CGNL1: variants seen among roughly 807,000 people sequenced by gnomAD.
CGNL1 encodes the protein cingulin-like protein 1.
Under a neutral mutation model 141.2 loss-of-function variants are expected in CGNL1, and 132 were observed. The observed-to-expected ratio is 0.93, with a 90% confidence interval of 0.81 to 1.08. The LOEUF is 1.08. Ranked by LOEUF, CGNL1 falls within the 50% of genes least tolerant of loss-of-function variation. The pLI is 0.00. For synonymous variants in CGNL1, 690 were observed against 622.1 expected, an observed-to-expected ratio of 1.11 and a Z score of -1.63; for missense variants, 1,870 against 1,588.6, an observed-to-expected ratio of 1.18 and a Z score of -3.01.
At chr15:57,426,569 C>T (rs2062977168) in intron 1 of CGNL1, among the ~76,000 whole-genome samples, 1 of 151,096 alleles carries the variant, frequency 6.6e-6, no homozygotes, top group South Asian at 2.1e-4. Flanking sequence ...ACCTCAGCTT[C>T]CTGAATAGCT....
At chr15:57,441,554 A>C (rs1380395338) in intron 3 of CGNL1, among the ~76,000 whole-genome samples, 1 of 152,062 alleles carries the variant, frequency 6.6e-6, no homozygotes, top group African/African-American at 2.4e-5. Flanking sequence ...TTTTTAGTAG[A>C]GACACAGTTT....
chr15:57,469,190 C>T (rs968755409), intron 8 of CGNL1, among the ~76,000 whole-genome samples: 5 of 151,672 alleles, frequency 3.3e-5, no homozygotes, highest in Admixed American at 1.3e-4. Context: ...GAGGAGACCC[C>T]GCAGGGAGCA....
At chr15:57,399,998 CTTT>C (rs10532752) in intron 1 of CGNL1, among the ~76,000 whole-genome samples, 2,823 of 144,252 alleles carry the variant, frequency 0.02, 32 homozygotes, top group Non-Finnish European at 0.028. Context: ...TTTCTAATAC[CTTT>C]TTTTTTTTTT....
intron 8 of CGNL1, among the ~76,000 whole-genome samples, chr15:57,502,013 A>G (rs1178191934): frequency 6.6e-6 from 1 of 151,962 alleles, no homozygotes; most frequent in Admixed American, 6.6e-5. Context: ...TCTCTGGGAG[A>G]ATGTTCAGGA....
At chr15:57,522,396 C>T (rs1427418383) in intron 10 of CGNL1, among the ~76,000 whole-genome samples, 4 of 152,244 alleles carry the variant, frequency 2.6e-5, no homozygotes, top group Admixed American at 1.3e-4. Context: ...TCCTGAGTTA[C>T]TGCCTGTGGC....
intron 1 of CGNL1, among the ~76,000 whole-genome samples, chr15:57,427,187 T>G (rs2062985328): frequency 6.6e-6 from 1 of 152,206 alleles, no homozygotes; most frequent in African/African-American, 2.4e-5. Flanking sequence ...AGGTAACAGC[T>G]GTCTTGAACA....
At chr15:57,382,188 T>TAGTA (rs2062432279) in intron 1 of CGNL1, among the ~76,000 whole-genome samples, 1 of 152,114 alleles carries the variant, frequency 6.6e-6, no homozygotes, top group African/African-American at 2.4e-5. Flanking sequence ...AAATTACAGG[T>TAGTA]AGTAAGGGCT....
intron 8 of CGNL1, among the ~76,000 whole-genome samples, chr15:57,470,174 T>C (rs2063561434): frequency 6.6e-6 from 1 of 151,108 alleles, no homozygotes; most frequent in East Asian, 1.9e-4. Flanking sequence ...CAAGCCTGCC[T>C]AGAGTGACAT....
At chr15:57,413,243 CTTCT>C (rs2062812924) in intron 1 of CGNL1, among the ~76,000 whole-genome samples, 1 of 144,322 alleles carries the variant, frequency 6.9e-6, no homozygotes, top group African/African-American at 2.6e-5. Flanking sequence ...CCCTCCCTCC[CTTCT>C]TCCCTCCCTC....
At chr15:57,504,649 G>A (rs886465875) in intron 8 of CGNL1, among the ~76,000 whole-genome samples, 3 of 152,182 alleles carry the variant, frequency 2.0e-5, no homozygotes, top group African/African-American at 4.8e-5. Flanking sequence ...GAGTCCCCGG[G>A]GGACCCAGGT....
chr15:57,539,031 C>T (rs1053812323), intron 14 of CGNL1, among the ~76,000 whole-genome samples: 3 of 152,126 alleles, frequency 2.0e-5, no homozygotes, highest in Non-Finnish European at 4.4e-5. Context: ...GGAGAGTTCC[C>T]GCCCAGCGCC....
At position 57,528,744 on chromosome 15, in the gene CGNL1, G is replaced by T; in HGVS notation, c.3130G>T (p.Asp1044Tyr). 1 of 1,614,186 alleles carries T rather than the reference G, an allele frequency of 6.2e-7. No homozygotes were observed. The highest frequency in any genetic ancestry group is 1.7e-5 in the Admixed American group (1 of 60,020). ...KRQLLEQTLK[D>Y]LEYELEAKSH... Reference sequence around the variant, plus strand: ...GCAGCTTCTGGAGCAGACGCTGAAGGACCTGGAGTATGAGCTGGAAGCCAA... The same window carrying T: ...GCAGCTTCTGGAGCAGACGCTGAAGTACCTGGAGTATGAGCTGGAAGCCAA... Residue 1044 changes from aspartate to tyrosine, a missense_variant, in exon 13 of 19, where the codon GAC (aspartate) becomes TAC (tyrosine). By Grantham distance (160) the Asp-to-Tyr change is radical. Coordinates refer to ENST00000281282, the MANE Select transcript of CGNL1 (RefSeq NM_032866.5).
chr15:57,406,932 T>C (rs2062729853), intron 1 of CGNL1: 2 of 152,260 alleles, frequency 1.3e-5, no homozygotes, highest in East Asian at 3.8e-4. Context: ...GTAAGCTAAC[T>C]TAAATTTATG....
At chr15:57,528,858 C>T (rs758645818) in intron 13 of CGNL1, 43 bp downstream of exon 13, 28 of 1,589,540 alleles carry the variant, frequency 1.8e-5, no homozygotes, top group South Asian at 3.4e-5. Context: ...CTGCAGAGAG[C>T]GAGGCTGGGC....
At chr15:57,463,754 A>C (rs947470585) in intron 8 of CGNL1, among the ~76,000 whole-genome samples, 1 of 152,228 alleles carries the variant, frequency 6.6e-6, no homozygotes, top group Admixed American at 6.5e-5. Flanking sequence ...TGCCTAACCC[A>C]TCTCCAGAAA....
intron 14 of CGNL1, among the ~76,000 whole-genome samples, chr15:57,538,922 A>G (rs1158471321): frequency 6.6e-6 from 1 of 152,094 alleles, no homozygotes; most frequent in Admixed American, 6.5e-5. Flanking sequence ...TTTGTCAGAA[A>G]ACCTAGGTTG....
At chr15:57,434,557 A>G (rs1194692252) in intron 1 of CGNL1, among the ~76,000 whole-genome samples, 1 of 152,192 alleles carries the variant, frequency 6.6e-6, no homozygotes, top group African/African-American at 2.4e-5. Flanking sequence ...ACTTTCCCCA[A>G]TTTTATAAAA....
At chr15:57,537,509 C>T (rs1363873524) in intron 14 of CGNL1, among the ~76,000 whole-genome samples, 1 of 151,986 alleles carries the variant, frequency 6.6e-6, no homozygotes. Flanking sequence ...TGCTCAAAAA[C>T]CCAGTGTGTA....
chr15:57,516,323 T>C (rs1306809104), intron 8 of CGNL1, among the ~76,000 whole-genome samples: 1 of 152,134 alleles, frequency 6.6e-6, no homozygotes, highest in African/African-American at 2.4e-5. Flanking sequence ...ACTTAAACTA[T>C]CCAAGTGTCA....
Sources: gnomAD v4.1 joint callset for allele counts (sites outside exome capture counted in the v4.1 genomes callset) on GRCh38, gnomAD v4.1.1 for gene constraint, MANE v1.5 for transcripts, NCBI Gene and HGNC (gene_info 2026-07-23, HGNC 2026-07-21) for gene names.